Variants in CADPS2 observed in about 807,000 individuals in gnomAD.
CADPS2 encodes calcium dependent secretion activator 2.
CADPS2 carries 93 observed loss-of-function variants against 172.5 expected under a neutral mutation model. The observed-to-expected ratio is 0.54, with a 90% CI of 0.46 to 0.64. The LOEUF is 0.64. Among genes scored for constraint, CADPS2 ranks in the 30% least tolerant of loss-of-function variants. CADPS2 has a pLI of 0.00. For missense variants in CADPS2, 1,420 were observed against 1,565.9 expected, an observed-to-expected ratio of 0.91 and a Z score of 1.57; for synonymous variants, 546 against 555.2, an observed-to-expected ratio of 0.98 and a Z score of 0.23.
At chr7:122,803,666 A>G (rs1798126219) in intron 1 of CADPS2, among the ~76,000 whole-genome samples, 1 of 152,176 alleles carries the variant, frequency 6.6e-6, no homozygotes, top group African/African-American at 2.4e-5. Flanking sequence ...TTCATTTTAA[A>G]AATTTATAGT....
At chr7:122,575,826 T>C (rs2067966512) in intron 7 of CADPS2, among the ~76,000 whole-genome samples, 1 of 152,204 alleles carries the variant, frequency 6.6e-6, no homozygotes, top group South Asian at 2.1e-4. Context: ...TAATAAACAC[T>C]ATAGACGTTT....
At chr7:122,838,891 T>C (rs942294151) in intron 1 of CADPS2, among the ~76,000 whole-genome samples, 1 of 152,080 alleles carries the variant, frequency 6.6e-6, no homozygotes, top group African/African-American at 2.4e-5. Flanking sequence ...CCCCATCAAG[T>C]TACCAAAGAC....
intron 3 of CADPS2, among the ~76,000 whole-genome samples, chr7:122,652,757 G>A (rs1206918734): frequency 2.0e-5 from 3 of 152,138 alleles, no homozygotes; most frequent in Non-Finnish European, 4.4e-5. Flanking sequence ...TCCAAAGTAT[G>A]AAATTTTATT....
Position 122,886,065 on chromosome 7 carries a change from G to A in CADPS2, c.273C>T (p.Val91=). ...TGAAGGGGTACGCGATGCACCTCAC[G>A]ACGAAGACGTAGAGCTGCAGGCGGA... ...RRIRLQLYVF[V]VRCIAYPFNA... is the part of the protein sequence containing the mutation. Residue 91 remains valine, a synonymous_variant, in exon 1 of 30, where the codon GTC becomes GTT. Transcript: ENST00000449022. The A allele has an allele frequency of 6.2e-7, 1 of 1,604,240 alleles. No homozygotes were observed. Among genetic ancestry groups the A allele is most frequent in the Non-Finnish European group, 8.5e-7 (1 of 1,175,860 alleles).
intron 2 of CADPS2, among the ~76,000 whole-genome samples, chr7:122,669,482 C>T (rs2081552644): frequency 6.6e-6 from 1 of 151,610 alleles, no homozygotes; most frequent in Non-Finnish European, 1.5e-5. Flanking sequence ...GGAAAAGAAC[C>T]AGGGGATGGA....
chr7:122,767,891 C>T (rs1387535303), intron 1 of CADPS2, among the ~76,000 whole-genome samples: 1 of 152,126 alleles, frequency 6.6e-6, no homozygotes, highest in Non-Finnish European at 1.5e-5. Flanking sequence ...GGGATGCTAA[C>T]TGTGACACGG....
intron 1 of CADPS2, among the ~76,000 whole-genome samples, chr7:122,842,291 G>A (rs539276780): frequency 3.3e-5 from 5 of 152,304 alleles, no homozygotes; most frequent in South Asian, 2.1e-4. Context: ...AAAGCAGGAC[G>A]GAGGAGGGTG....
At chr7:122,518,769 G>T (rs2060564796) in intron 8 of CADPS2, among the ~76,000 whole-genome samples, 1 of 151,900 alleles carries the variant, frequency 6.6e-6, no homozygotes, top group Non-Finnish European at 1.5e-5. Context: ...ATTTAACTGG[G>T]TTTTATGTGA....
intron 1 of CADPS2, among the ~76,000 whole-genome samples, chr7:122,805,316 C>T (rs185363684): frequency 3.2e-4 from 49 of 152,210 alleles, no homozygotes; most frequent in South Asian, 6.2e-4. Context: ...CTTGCCACCA[C>T]GCCTAGCTAA....
At chr7:122,734,102 G>C (rs1219403886) in intron 2 of CADPS2, among the ~76,000 whole-genome samples, 1 of 151,694 alleles carries the variant, frequency 6.6e-6, no homozygotes, top group African/African-American at 2.4e-5. Context: ...CTTTTAGTCA[G>C]CTATGGTGGT....
At chr7:122,432,315 T>C (rs1332604807) in intron 17 of CADPS2, among the ~76,000 whole-genome samples, 2 of 152,268 alleles carry the variant, frequency 1.3e-5, no homozygotes, top group East Asian at 3.9e-4. Flanking sequence ...TAGAGCTATT[T>C]AAGCAACTAA....
At chr7:122,652,767 T>C (rs1286812534) in intron 3 of CADPS2, among the ~76,000 whole-genome samples, 1 of 152,226 alleles carries the variant, frequency 6.6e-6, no homozygotes, top group African/African-American at 2.4e-5. Context: ...GAAATTTTAT[T>C]AGCACAATAG....
intron 7 of CADPS2, among the ~76,000 whole-genome samples, chr7:122,556,761 T>C (rs1428234265): frequency 6.6e-6 from 1 of 152,158 alleles, no homozygotes; most frequent in Non-Finnish European, 1.5e-5. Flanking sequence ...TCTTACTATG[T>C]GAGGATACAC....
chr7:122,849,910 G>A lies in CADPS2; in HGVS notation c.339+36089C>T, dbSNP rs1813062564. 5 of 569,506 alleles carry A rather than the reference G, an allele frequency of 8.8e-6. 1 individual carries two copies. In the Admixed American group the frequency reaches 9.5e-5, roughly 11 times the overall value. 35.3% of individuals were successfully genotyped at this position (569,506 alleles called of 1,614,324 possible). On this transcript the variant is annotated intron_variant, in intron 1 of 29. Coordinates refer to ENST00000449022, the MANE Select transcript of CADPS2 (RefSeq NM_017954.11). ...TGGCCCCAGCCCCTGCCCCAACCATGGCATCAGCTCTGGCCCAGGCCCCAG... is the reference window on the plus strand; with the variant it reads ...TGGCCCCAGCCCCTGCCCCAACCATAGCATCAGCTCTGGCCCAGGCCCCAG...
intron 6 of CADPS2, among the ~76,000 whole-genome samples, chr7:122,587,302 T>C (rs563286203): frequency 6.6e-6 from 1 of 152,104 alleles, no homozygotes; most frequent in African/African-American, 2.4e-5. Context: ...TGTGTGTTGT[T>C]CCCCTCCCTA....
intron 27 of CADPS2, among the ~76,000 whole-genome samples, chr7:122,359,061 C>T (rs2039793274): frequency 1.3e-5 from 2 of 152,068 alleles, no homozygotes. Context: ...TGTCCAGGAT[C>T]TAGCACTTAG....
intron 3 of CADPS2, 54 bp from the exon 4 acceptor site, chr7:122,629,382 G>T: frequency 7.4e-7 from 1 of 1,348,862 alleles, no homozygotes; most frequent in Non-Finnish European, 1.0e-6. Context: ...TATATACAGT[G>T]ACCCACAGAC....
intron 1 of CADPS2, among the ~76,000 whole-genome samples, chr7:122,769,022 C>G (rs940856845): frequency 1.5e-4 from 23 of 151,624 alleles, no homozygotes. Flanking sequence ...ACAAGGCTGC[C>G]ATTCAAATAG....
chr7:122,465,908 C>G (rs2055073511), intron 14 of CADPS2, among the ~76,000 whole-genome samples: 1 of 152,142 alleles, frequency 6.6e-6, no homozygotes, highest in African/African-American at 2.4e-5. Context: ...CTACAAATAT[C>G]AAACTGGGAC....
Sources: gnomAD v4.1 joint callset for allele counts (sites outside exome capture counted in the v4.1 genomes callset) on GRCh38, gnomAD v4.1.1 for gene constraint, MANE v1.5 for transcripts, NCBI Gene and HGNC (gene_info 2026-07-23, HGNC 2026-07-21) for gene names.